The following EXO1 variants were observed in gnomAD, a reference collection of about 807,000 sequenced individuals.
The protein encoded by EXO1 is exonuclease 1.
In EXO1, 69 loss-of-function variants were observed where a neutral mutation model predicts 84.5. That is an observed-to-expected ratio of 0.82 (90% CI 0.67 to 1.00). The LOEUF is 1.00. EXO1 is among the 50% of genes least tolerant of loss of function. The probability of loss-of-function intolerance (pLI) is 0.00; values close to 1 mark genes in which losing one functional copy is unlikely to be tolerated. For missense variants in EXO1, 1,045 were observed against 1,000.7 expected, an observed-to-expected ratio of 1.04 and a Z score of -0.60; for synonymous variants, 373 against 366.1, an observed-to-expected ratio of 1.02 and a Z score of -0.21.
chr1:241,868,583 G>T (rs991819374), intron 11 of EXO1, among the ~76,000 whole-genome samples: 1 of 152,088 alleles, frequency 6.6e-6, no homozygotes, highest in South Asian at 2.1e-4. Context: ...TGGGAGGATC[G>T]CTCGAGCCTC....
rs1558128124 is a variant in EXO1, at chr1:241,860,590, G to A, written c.830G>A (p.Arg277Gln). Residue 277 changes from arginine to glutamine, a missense_variant, in exon 9 of 16, where the codon CGG becomes CAG. Arg to Gln is a conservative substitution (Grantham distance 43). Coordinates refer to ENST00000366548, the MANE Select transcript of EXO1 (RefSeq NM_130398.4). ...GAGGATTACATCAACGGGTTTATTCGGGCCAACAATACCTTCCTCTATCAG... is the reference window on the plus strand; with the variant it reads ...GAGGATTACATCAACGGGTTTATTCAGGCCAACAATACCTTCCTCTATCAG... Reference protein sequence around the residue: ...VPEDYINGFIRANNTFLYQLV... With the variant: ...VPEDYINGFIQANNTFLYQLV... 12 of 1,613,702 alleles carry A rather than the reference G, an allele frequency of 7.4e-6. No individual in the cohort carries two copies. Among genetic ancestry groups the A allele is most frequent in the South Asian group, 3.3e-5 (3 of 91,058 alleles).
At chr1:241,868,593 CAG>C (rs1169788334) in intron 11 of EXO1, among the ~76,000 whole-genome samples, 1 of 152,146 alleles carries the variant, frequency 6.6e-6, no homozygotes, top group Non-Finnish European at 1.5e-5. Flanking sequence ...GCTCGAGCCT[CAG>C]AGTTGGAGGC....
At chr1:241,853,334 T>C in intron 5 of EXO1, 24 bp from the exon 6 acceptor site, 9 of 1,612,298 alleles carry the variant, frequency 5.6e-6, no homozygotes, top group Non-Finnish European at 7.6e-6. Flanking sequence ...TGTTTTATAT[T>C]TAAAAAATGT....
At chr1:241,859,187 A>G (rs1574143479) in intron 8 of EXO1, among the ~76,000 whole-genome samples, 4 of 152,348 alleles carry the variant, frequency 2.6e-5, no homozygotes, top group East Asian at 1.9e-4. Context: ...AAACTTTATA[A>G]TAAACTCATT....
intron 6 of EXO1, among the ~76,000 whole-genome samples, chr1:241,855,790 G>T (rs1189158373): frequency 6.6e-6 from 1 of 152,188 alleles, no homozygotes; most frequent in South Asian, 2.1e-4. Context: ...ACTGCTGGGG[G>T]ACCCAGTACA....
At chr1:241,884,239 CCTCA>C (rs1662920182) in intron 14 of EXO1, among the ~76,000 whole-genome samples, 1 of 152,102 alleles carries the variant, frequency 6.6e-6, no homozygotes, top group African/African-American at 2.4e-5. Flanking sequence ...CTTTTTTCTC[CCTCA>C]CTTTTTCCCC....
At chr1:241,864,754 A>G (rs1204059533) in intron 10 of EXO1, among the ~76,000 whole-genome samples, 1 of 152,002 alleles carries the variant, frequency 6.6e-6, no homozygotes, top group African/African-American at 2.4e-5. Context: ...ATTATCTCCT[A>G]ATTTTTTTGC....
chr1:241,889,093 A>G (rs79310508), intron 15 of EXO1, among the ~76,000 whole-genome samples: 7,362 of 152,096 alleles, frequency 0.048, 545 homozygotes, highest in African/African-American at 0.17. Context: ...AATAATAATA[A>G]GATTTAACCA....
intron 12 of EXO1, among the ~76,000 whole-genome samples, chr1:241,872,938 C>G (rs183877672): frequency 6.6e-6 from 1 of 152,262 alleles, no homozygotes; most frequent in African/African-American, 2.4e-5. Context: ...ACACTGTCTT[C>G]CACAATGGTT....
In EXO1 at chr1:241,853,409, A is replaced by T; in HGVS notation, c.333A>T (p.Lys111Asn). 1 of 1,614,012 alleles carries T rather than the reference A, an allele frequency of 6.2e-7. No individual in the cohort carries two copies. Among genetic ancestry groups the T allele is most frequent in the East Asian group, 2.2e-5 (1 of 44,890 alleles). Residue 111 changes from lysine to asparagine, a missense_variant, in exon 6 of 16, where the codon AAA (lysine) becomes AAT (asparagine). Coordinates refer to ENST00000366548, the MANE Select transcript of EXO1 (RefSeq NM_130398.4). ...GAAAGCAACTTCTTCGTGAGGGGAA[A>T]GTCTCGGAAGCTCGAGAGTGTTTCA... ...LKGKQLLREG[K>N]VSEARECFTR...
intron 8 of EXO1, among the ~76,000 whole-genome samples, chr1:241,859,513 GT>G (rs934804673): frequency 6.6e-5 from 10 of 151,946 alleles, no homozygotes; most frequent in Non-Finnish European, 1.5e-4. Context: ...CATAAATTGA[GT>G]TTTTTTTCTT....
chr1:241,852,424 T>C lies in EXO1; in HGVS notation c.281+13T>C. 1.3e-6 allele frequency: 2 copies of C among 1,593,698 alleles called. No individual in the cohort carries two copies. Among genetic ancestry groups the C allele is most frequent in the East Asian group, 2.2e-5 (1 of 44,736 alleles). On this transcript the variant is annotated intron_variant, in intron 5 of 15. Coordinates refer to ENST00000366548, the MANE Select transcript of EXO1 (RefSeq NM_130398.4). Reference sequence around the variant, plus strand: ...GATCTAGAAGAGAGTAAGTTAATTCTCTACTTAATCTCTAACTTCATTGCA... The same window carrying C: ...GATCTAGAAGAGAGTAAGTTAATTCCCTACTTAATCTCTAACTTCATTGCA...
intron 4 of EXO1, among the ~76,000 whole-genome samples, chr1:241,850,859 T>TA (rs1553268669): frequency 1.4e-5 from 2 of 144,076 alleles, no homozygotes; most frequent in African/African-American, 5.1e-5. Context: ...TTTTTTTTTT[T>TA]AGATGGAATC....
chr1:241,873,934 G>A (rs954818508), intron 12 of EXO1, among the ~76,000 whole-genome samples: 11 of 152,148 alleles, frequency 7.2e-5, no homozygotes, highest in African/African-American at 2.7e-4. Flanking sequence ...ATGGGGGGCA[G>A]CATGGGGCTC....
At position 241,861,476 on chromosome 1, in the gene EXO1, G is replaced by A. The variant is rs1661378997; in HGVS notation, c.1015G>A (p.Asp339Asn). Residue 339 changes from aspartate (D) to asparagine (N), a missense_variant, in exon 10 of 16, where the codon GAT becomes AAT. Transcript: ENST00000366548. Reference sequence around the variant, plus strand: ...AGATATAAATACTTTTGAACAGATCGATGACTACAATCCAGACACTGCTAT... The same window carrying A: ...AGATATAAATACTTTTGAACAGATCAATGACTACAATCCAGACACTGCTAT... The part of the protein sequence containing the change: ...NKDINTFEQI[D>N]DYNPDTAMPA... 3.8e-6 allele frequency: 6 copies of A among 1,586,786 alleles called. No individual in the cohort carries two copies. The highest frequency in any genetic ancestry group is 1.3e-5 in the African/African-American group (1 of 74,328).
chr1:241,859,010 C>G (rs1661220197), intron 8 of EXO1, among the ~76,000 whole-genome samples: 1 of 152,160 alleles, frequency 6.6e-6, no homozygotes, highest in Admixed American at 6.5e-5. Flanking sequence ...CTTTTGACTT[C>G]TGTGCTATAA....
At chr1:241,875,884 A>G (rs1662376780) in intron 12 of EXO1, among the ~76,000 whole-genome samples, 1 of 152,242 alleles carries the variant, frequency 6.6e-6, no homozygotes, top group Admixed American at 6.5e-5. Flanking sequence ...TCTCAAAAAA[A>G]GAAAAAAATA....
chr1:241,863,428 A>G (rs1433534904), intron 10 of EXO1, among the ~76,000 whole-genome samples: 1 of 151,538 alleles, frequency 6.6e-6, no homozygotes, highest in Non-Finnish European at 1.5e-5. Flanking sequence ...AAAAACAAAA[A>G]AAGCGTATGT....
At chr1:241,868,518 A>G (rs1661885912) in intron 11 of EXO1, among the ~76,000 whole-genome samples, 1 of 152,204 alleles carries the variant, frequency 6.6e-6, no homozygotes, top group African/African-American at 2.4e-5. Context: ...TTTTTTAAAC[A>G]TTAGTCAAAT....
Sources: gnomAD v4.1 joint callset for allele counts (sites outside exome capture counted in the v4.1 genomes callset) on GRCh38, gnomAD v4.1.1 for gene constraint, MANE v1.5 for transcripts, NCBI Gene and HGNC (gene_info 2026-07-23, HGNC 2026-07-21) for gene names.